Variants in FASN observed in about 807,000 individuals in gnomAD.
FASN encodes 3-hydroxyacyl-[acyl-carrier-protein] dehydratase.
FASN carries 50 observed loss-of-function variants against 250.0 expected under a neutral mutation model. The observed-to-expected ratio is 0.20, with a 90% CI of 0.16 to 0.25. The LOEUF (loss-of-function observed/expected upper bound fraction) is 0.25, where lower values mean the gene tolerates loss of function less well. Ranked by LOEUF, FASN falls within the 10% of genes least tolerant of loss-of-function variation. The pLI, the probability that FASN is intolerant of heterozygous loss-of-function variation, is 1.00. For synonymous variants in FASN, 1,909 were observed against 1,584.0 expected (o/e 1.21, Z -4.87); for missense variants, 3,031 against 3,498.5 (o/e 0.87, Z 3.37).
chr17:82,084,757 G>A lies in FASN; in HGVS notation c.4565-41C>T, dbSNP rs45576931. On this transcript the variant is annotated intron_variant, in intron 26 of 42. Transcript: ENST00000306749. ...GGTGGGGCTGCTGCGGGGCCTTCGGGTGCAGTCTCCCGGGAGGGGCAGGGC... is the reference window on the plus strand; with the variant it reads ...GGTGGGGCTGCTGCGGGGCCTTCGGATGCAGTCTCCCGGGAGGGGCAGGGC... 1.7e-3 allele frequency: 2,622 copies of A among 1,550,242 alleles called. 13 individuals are homozygous for A. The highest frequency in any genetic ancestry group is 0.017 in the African/African-American group (1,235 of 73,192).
intron 39 of FASN, 39 bp from the exon 40 acceptor site, chr17:82,080,629 G>A (rs2033970369): frequency 1.9e-6 from 3 of 1,550,972 alleles, no homozygotes; most frequent in East Asian, 4.9e-5. Context: ...TGTGCAGGCG[G>A]CAGCCACGGG....
Position 82,079,268 on chromosome 17 carries a change from T to G in FASN, c.7411A>C (p.Lys2471Gln), listed in dbSNP as rs775982547. Reference sequence around the variant, plus strand: ...CCCTCGATGACGTGGACGGATACTTTCCCGTCGCATACCTGCAGGGGATGC... The same window carrying G: ...CCCTCGATGACGTGGACGGATACTTGCCCGTCGCATACCTGCAGGGGATGC... ...DYNLSQVCDG[K>Q]VSVHVIEGDH... The change falls in exon 43 of 43, where the codon AAA (lysine) becomes CAA (glutamine). Residue 2471 changes from lysine (K) to glutamine (Q), a missense_variant. Transcript: ENST00000306749. The G allele has an allele frequency of 1.2e-6, 2 of 1,613,050 alleles. No individual in the cohort carries two copies. Among genetic ancestry groups the G allele is most frequent in the South Asian group, 2.2e-5 (2 of 91,076 alleles).
chr17:82,096,285 C>T (rs777028477), intron 2 of FASN, 34 bp downstream of exon 2: 1 of 1,609,532 alleles, frequency 6.2e-7, no homozygotes, highest in Non-Finnish European at 8.5e-7. Flanking sequence ...TGGAGCTTCA[C>T]ACCCCAGGCA....
chr17:82,082,044 C>T lies in FASN; in HGVS notation c.6128G>A (p.Arg2043His), dbSNP rs1215220329. ...TTCGTGCCGGCGTTTCTCACAGATA[C>T]GCTCCATGGCGGAATTGGCAAAGCC... ...NYGFANSAME[R>H]ICEKRRHEGL... The change falls in exon 36 of 43, where the codon CGT (arginine) becomes CAT (histidine). Residue 2043 changes from arginine to histidine, a missense_variant. By Grantham distance (29) the Arg-to-His change is conservative. Transcript: ENST00000306749. The T allele has an allele frequency of 2.5e-6, 4 of 1,610,208 alleles. No individual in the cohort carries two copies. The highest frequency in any genetic ancestry group is 2.2e-5 in the East Asian group (1 of 44,896).
rs763502344 is a variant in FASN, at chr17:82,083,245, C to T, written c.5522G>A (p.Arg1841His). 3 of 1,612,730 alleles carry T rather than the reference C, an allele frequency of 1.9e-6. No individual in the cohort carries two copies. Among genetic ancestry groups the T allele is most frequent in the African/African-American group, 1.3e-5 (1 of 75,028 alleles). ...AATGTGCTTCCCTTGGGCCATGTAG[C>T]GGAAGGCGTCCTCCACCTGGGCCCC... is the stretch of plus-strand genomic sequence containing the variant. ...FHGAQVEDAF[R>H]YMAQGKHIGK... Residue 1841 changes from arginine to histidine, a missense_variant, in exon 32 of 43, where the codon CGC (arginine) becomes CAC (histidine). Coordinates refer to ENST00000306749, the MANE Select transcript of FASN (RefSeq NM_004104.5).
At position 82,078,648 on chromosome 17, in the gene FASN, G is replaced by A. The variant is rs1236361396; in HGVS notation, c.*495C>T. The A allele has an allele frequency of 7.2e-5, 16 of 221,038 alleles. No homozygotes were observed. The East Asian group carries it at 1.4e-3, about 20-fold the overall frequency. 13.7% of individuals were successfully genotyped at this position (221,038 alleles called of 1,614,324 possible). On this transcript the variant is annotated 3_prime_UTR_variant, in exon 43 of 43. Transcript: ENST00000306749. This position sits in a 1 kb window ranked among gnomAD's most constrained non-coding sequence, Gnocchi z 5.4. ...ACTGGCCCACGACCCCCCACTCAGC[G>A]GGCTGAGCCAATGCCTGGCCGAGAG...
rs764216408 is a variant in FASN, at chr17:82,095,304, C to A, written c.280+16G>T. ...GCAGGAGCCCTCGGCGCAGCAGTCG[C>A]GAATGCCCGACCCACCTCCGTCCAC... On this transcript the variant is annotated intron_variant, in intron 3 of 42. Coordinates refer to ENST00000306749, the MANE Select transcript of FASN (RefSeq NM_004104.5). 1.9e-6 allele frequency: 3 copies of A among 1,612,594 alleles called. No individual in the cohort carries two copies. Among genetic ancestry groups the A allele is most frequent in the Non-Finnish European group, 2.5e-6 (3 of 1,179,852 alleles).
chr17:82,082,475 C>T lies in FASN; in HGVS notation c.5919+52G>A, dbSNP rs1020115216. The T allele has an allele frequency of 5.5e-5, 89 of 1,610,118 alleles. 1 individual carries two copies. In the South Asian group the frequency reaches 8.8e-4, roughly 16 times the overall value. Reference sequence around the variant, plus strand: ...AGGGCCTCACCCGTCCACCCAGGGTCCCCCCCTTGGTCTTGGGGCTTTTGA... The same window carrying T: ...AGGGCCTCACCCGTCCACCCAGGGTTCCCCCCTTGGTCTTGGGGCTTTTGA... On this transcript the variant is annotated intron_variant, in intron 34 of 42. Coordinates refer to ENST00000306749, the MANE Select transcript of FASN (RefSeq NM_004104.5).
rs138286707 is a variant in FASN at position 82,088,258 on chromosome 17, G to C, written c.2643C>G (p.Asp881Glu). ...PDHYLVDHTL[D>E]GRVLFPATGY... ...CAGTGGCGGGGAAGAGGACGCGACC[G>C]TCGAGGGTGTGGTCCACCAGGTAGT... The change falls in exon 17 of 43, where the codon GAC becomes GAG. Residue 881 changes from aspartate to glutamate, a missense_variant. Transcript: ENST00000306749. The C allele has an allele frequency of 6.2e-7, 1 of 1,606,540 alleles. No homozygotes were observed. Among genetic ancestry groups the C allele is most frequent in the South Asian group, 1.1e-5 (1 of 91,086 alleles).
At position 82,096,347 on chromosome 17, in the gene FASN, G is replaced by A; in HGVS notation, c.99C>T (p.Val33=). 1 of 1,612,844 alleles carries A rather than the reference G, an allele frequency of 6.2e-7. No homozygotes were observed. The highest frequency in any genetic ancestry group is 8.5e-7 in the Non-Finnish European group (1 of 1,179,984). The part of the protein sequence containing the change: ...WDNLIGGVDM[V]TDDDRRWKAG... ...CCTTCCAGCGACGGTCATCGTCCGT[G>A]ACCATGTCCACACCGCCGATGAGGT... The change falls in exon 2 of 43, where the codon GTC becomes GTT. Residue 33 remains valine, a synonymous_variant. Transcript: ENST00000306749.
Position 82,092,779 on chromosome 17 carries a change from T to A in FASN, c.812A>T (p.Gln271Leu), listed in dbSNP as rs1372863794. ...CGACTGGTACAACGAGCGGATGAGC[T>A]GCTCCTGGATATCCCCTGAGGGGAA... ...VTFPSGDIQE[Q>L]LIRSLYQSAG... Residue 271 changes from glutamine to leucine, a missense_variant, in exon 7 of 43, where the codon CAG becomes CTG. Transcript: ENST00000306749. 6.2e-7 allele frequency: 1 copy of A among 1,604,636 alleles called. No individual in the cohort carries two copies. Among genetic ancestry groups the A allele is most frequent in the Non-Finnish European group, 8.5e-7 (1 of 1,176,968 alleles).
chr17:82,079,201 A>G lies in FASN; in HGVS notation c.7478T>C (p.Ile2493Thr), dbSNP rs2033944155. 1 of 1,612,864 alleles carries G rather than the reference A, an allele frequency of 6.2e-7. No individual in the cohort carries two copies. The highest frequency in any genetic ancestry group is 8.5e-7 in the Non-Finnish European group (1 of 1,179,954). The change falls in exon 43 of 43, where the codon ATC (isoleucine) becomes ACC (threonine). Residue 2493 changes from isoleucine to threonine, a missense_variant. Transcript: ENST00000306749. Reference protein sequence around the residue: ...TLLEGSGLESIISIIHSSLAE... With the variant: ...TLLEGSGLESTISIIHSSLAE... ...CAGGGAGCTGTGGATGATGCTGATG[A>G]TGGACTCCAGGCCGCTGCCCTCCAG...
chr17:82,096,495 G>T, intron 1 of FASN, 43 bp from the exon 2 acceptor site: 1 of 1,604,840 alleles, frequency 6.2e-7, no homozygotes, highest in Non-Finnish European at 8.5e-7. Context: ...TCCCGGCCAC[G>T]ACACCCCCGT....
At chr17:82,086,186 T>C in intron 22 of FASN, 68 bp downstream of exon 22, 3 of 1,533,748 alleles carry the variant, frequency 2.0e-6, no homozygotes, top group Non-Finnish European at 2.6e-6. Context: ...TGCTGTCTCC[T>C]GCAACTGATG....
In FASN at chr17:82,085,698, A is replaced by T. The variant is rs1476604513; in HGVS notation, c.3906T>A (p.Pro1302=). The T allele has an allele frequency of 3.8e-6, 6 of 1,568,808 alleles. No homozygotes were observed. The South Asian group carries it at 7.0e-5, about 18-fold the overall frequency. Residue 1302 remains proline (P), a synonymous_variant, in exon 23 of 43, where the codon CCT becomes CCA. Coordinates refer to ENST00000306749, the MANE Select transcript of FASN (RefSeq NM_004104.5). ...CGGCGCTGCCCAGGGCGCTGGGGGC[A>T]GGGTCTGCGGGATCCCACTGGCCCT... ...VAQGQWDPAD[P]APSALGSADL...
At position 82,078,951 on chromosome 17, in the gene FASN, C is replaced by G; in HGVS notation, c.*192G>C. The G allele has an allele frequency of 1.4e-6, 1 of 693,008 alleles. No individual in the cohort carries two copies. Among genetic ancestry groups the G allele is most frequent in the African/African-American group, 1.8e-5 (1 of 56,586 alleles). The allele number at this position is 693,008 out of a possible 1,614,324, so 42.9% of individuals were successfully genotyped here. On this transcript the variant is annotated 3_prime_UTR_variant, in exon 43 of 43. Coordinates refer to ENST00000306749, the MANE Select transcript of FASN (RefSeq NM_004104.5). This position sits in a 1 kb window ranked among gnomAD's most constrained non-coding sequence, Gnocchi z 5.4. The stretch of plus-strand genomic sequence containing the variant: ...CTCCAAGTCGGCAGCTCTGGTGTCC[C>G]CGAGGTGCCGTGGGAGGCGGCGGGT...
At chr17:82,091,109 G>T in intron 9 of FASN, 40 bp from the exon 10 acceptor site, 1 of 1,606,060 alleles carries the variant, frequency 6.2e-7, no homozygotes, top group Non-Finnish European at 8.5e-7. Context: ...GCCCCATCCC[G>T]TGCCACTGTG....
Position 82,080,503 on chromosome 17 carries a change from G to T in FASN, c.6914C>A (p.Ala2305Asp). 6.4e-7 allele frequency: 1 copy of T among 1,565,266 alleles called. No homozygotes were observed. The highest frequency in any genetic ancestry group is 8.6e-7 in the Non-Finnish European group (1 of 1,156,134). Residue 2305 changes from alanine to aspartate, a missense_variant, in exon 40 of 43, where the codon GCC becomes GAC. Coordinates refer to ENST00000306749, the MANE Select transcript of FASN (RefSeq NM_004104.5). ...CACGCAGGCCCCGTAGGAGTAGCCG[G>T]CCACGCGGTAGGGGCCCTCGGGCTG... The part of the protein sequence containing the change: ...QVQPEGPYRV[A>D]GYSYGACVAF...
Position 82,088,199 on chromosome 17 carries a change from C to A in FASN, c.2702G>T (p.Arg901Leu). The change falls in exon 17 of 43, where the codon CGC becomes CTC. Residue 901 changes from arginine (R) to leucine (L), a missense_variant. Physicochemically the swap from Arg to Leu is moderately radical, Grantham distance 102. Coordinates refer to ENST00000306749, the MANE Select transcript of FASN (RefSeq NM_004104.5). ...CTGCTCGACGCCCAGGCCCAGGGCG[C>A]GGGCCAGCGTCTTCCACACTATGCT... is the stretch of plus-strand genomic sequence containing the variant. ...YLSIVWKTLA[R>L]ALGLGVEQLP... 6.2e-7 allele frequency: 1 copy of A among 1,612,156 alleles called. No individual in the cohort carries two copies. The highest frequency in any genetic ancestry group is 8.5e-7 in the Non-Finnish European group (1 of 1,179,958).
Sources: allele counts gnomAD v4.1 joint callset, GRCh38; gene constraint gnomAD v4.1.1; non-coding constraint Gnocchi (gnomAD v3.1); transcripts MANE v1.5; gene names NCBI Gene and HGNC (gene_info 2026-07-23, HGNC 2026-07-21).